The following FBN2 variants were observed in gnomAD, a reference collection of about 807,000 sequenced individuals.
The protein encoded by FBN2 is fibrillin 2, also known as fibrillin-2.
In FBN2, 105 loss-of-function variants were observed where a neutral mutation model predicts 355.6. That is an observed-to-expected ratio of 0.30 (90% CI 0.25 to 0.35). The LOEUF (loss-of-function observed/expected upper bound fraction) is 0.35. FBN2 is among the 10% of genes least tolerant of loss of function. FBN2 has a pLI of 1.00. For synonymous variants in FBN2, 1,350 were observed against 1,301.2 expected (o/e 1.04, Z -0.81); for missense variants, 3,280 against 3,758.7 (o/e 0.87, Z 3.33).
chr5:128,342,980 G>A (rs1236737771), intron 25 of FBN2, among the ~76,000 whole-genome samples: 2 of 151,932 alleles, frequency 1.3e-5, no homozygotes, highest in East Asian at 3.9e-4. Context: ...TGCCCGTCTC[G>A]GCCTCCCAAA....
intron 11 of FBN2, among the ~76,000 whole-genome samples, chr5:128,387,787 C>T (rs930748163): frequency 6.6e-6 from 1 of 152,146 alleles, no homozygotes; most frequent in South Asian, 2.1e-4. Context: ...AGAGTATGTG[C>T]TATGTTACAG....
At chr5:128,367,721 C>T (rs1319111370) in intron 16 of FBN2, among the ~76,000 whole-genome samples, 3 of 151,936 alleles carry the variant, frequency 2.0e-5, no homozygotes, top group Admixed American at 2.0e-4. Context: ...TTGTTATATC[C>T]TAATTCCTAT....
intron 7 of FBN2, among the ~76,000 whole-genome samples, chr5:128,434,448 C>T (rs972381512): frequency 7.9e-5 from 9 of 113,324 alleles, no homozygotes; most frequent in East Asian, 4.5e-4. Context: ...ACAGCACTGG[C>T]GAGAACTGCA....
At chr5:128,524,067 T>C (rs1000322728) in intron 4 of FBN2, among the ~76,000 whole-genome samples, 3 of 152,082 alleles carry the variant, frequency 2.0e-5, no homozygotes, top group Non-Finnish European at 4.4e-5. Context: ...TTCCTTGGCC[T>C]ACTACAAGGC....
At chr5:128,287,083 G>GAA (rs1334296231) in intron 54 of FBN2, among the ~76,000 whole-genome samples, 1 of 152,188 alleles carries the variant, frequency 6.6e-6, no homozygotes, top group East Asian at 1.9e-4. Flanking sequence ...GAATCCAAGA[G>GAA]TGTGAGAATA....
At chr5:128,440,695 T>C (rs546278040) in intron 7 of FBN2, among the ~76,000 whole-genome samples, 1 of 152,342 alleles carries the variant, frequency 6.6e-6, no homozygotes, top group East Asian at 1.9e-4. Flanking sequence ...TCCACTTTCT[T>C]ACACCTACTT....
intron 11 of FBN2, among the ~76,000 whole-genome samples, chr5:128,389,059 CT>C (rs1752442652): frequency 1.3e-5 from 2 of 152,106 alleles, no homozygotes; most frequent in South Asian, 4.1e-4. Context: ...TTATTTTCAT[CT>C]GACTGAGTTG....
rs758124873 is a variant in FBN2, at chr5:128,278,778, C to T, written c.7202G>A (p.Ser2401Asn). 3.1e-6 allele frequency: 5 copies of T among 1,613,994 alleles called. No individual in the cohort carries two copies. The highest frequency in any genetic ancestry group is 2.2e-5 in the East Asian group (1 of 44,884). The change falls in exon 57 of 65, where the codon AGT (serine) becomes AAT (asparagine). Residue 2401 changes from serine to asparagine, a missense_variant. Ser to Asn is a conservative substitution (Grantham distance 46, BLOSUM62 1). Coordinates refer to ENST00000262464, the MANE Select transcript of FBN2 (RefSeq NM_001999.4). ...TTCTGACTTAGTGACGAGATTGCGA[C>T]TACTGGATGCCATTTGACATATTGT... ...LQTICQMASSSRNLVTKSECC... is the reference protein window; with the variant it reads ...LQTICQMASSNRNLVTKSECC...
At chr5:128,392,606 GGTTTTCA>G (rs1752544288) in intron 10 of FBN2, among the ~76,000 whole-genome samples, 1 of 152,064 alleles carries the variant, frequency 6.6e-6, no homozygotes, top group African/African-American at 2.4e-5. Flanking sequence ...TGAAGCCCAC[GGTTTTCA>G]ATTTCTTAAG....
chr5:128,513,532 A>G (rs1317503273), intron 5 of FBN2, among the ~76,000 whole-genome samples: 1 of 152,262 alleles, frequency 6.6e-6, no homozygotes, highest in African/African-American at 2.4e-5. Context: ...AAGAGCTGGA[A>G]TAAATGAGAT....
In FBN2 at chr5:128,413,374, G is replaced by A. The variant is rs189612076; in HGVS notation, c.953-4575C>T. Among the ~76,000 whole-genome samples the A allele has an allele frequency of 1.3e-3, 193 of 152,222 alleles. 1 individual carries two copies. Among genetic ancestry groups the A allele is most frequent in the African/African-American group, 4.2e-3 (173 of 41,562 alleles). On this transcript the variant is annotated intron_variant, in intron 7 of 64. Transcript: ENST00000262464. ...GGAAGGATCATGGAGGAAGGAGGAAGAATGTGAAAAACGGAGGCTAAGGAA... is the reference window on the plus strand; with the variant it reads ...GGAAGGATCATGGAGGAAGGAGGAAAAATGTGAAAAACGGAGGCTAAGGAA...
intron 20 of FBN2, among the ~76,000 whole-genome samples, chr5:128,356,318 T>G (rs1751502847): frequency 6.6e-6 from 1 of 152,196 alleles, no homozygotes; most frequent in South Asian, 2.1e-4. Flanking sequence ...ACTTGGTCAT[T>G]TGTCTTTATG....
intron 11 of FBN2, among the ~76,000 whole-genome samples, chr5:128,386,395 A>G (rs1245927922): frequency 6.6e-6 from 1 of 152,002 alleles, no homozygotes; most frequent in Non-Finnish European, 1.5e-5. Context: ...CTGTTTTTGT[A>G]CCAGTACTGT....
chr5:128,328,324 A>C (rs1487945661), intron 34 of FBN2: 2 of 467,486 alleles, frequency 4.3e-6, no homozygotes, highest in East Asian at 3.9e-5. Flanking sequence ...GCTTTTTATG[A>C]TTTTGATAAA....
intron 23 of FBN2, among the ~76,000 whole-genome samples, chr5:128,347,722 A>C (rs1300995305): frequency 6.6e-6 from 1 of 152,220 alleles, no homozygotes; most frequent in African/African-American, 2.4e-5. Context: ...TGGTGACAAA[A>C]GCATTTAAGC....
intron 5 of FBN2, among the ~76,000 whole-genome samples, chr5:128,483,646 A>G (rs1317101737): frequency 3.3e-5 from 5 of 152,072 alleles, no homozygotes; most frequent in Non-Finnish European, 7.4e-5. Context: ...CCTTAATGAA[A>G]TATTCAGGAC....
chr5:128,285,439 T>C (rs1192910835), intron 55 of FBN2, among the ~76,000 whole-genome samples: 2 of 152,228 alleles, frequency 1.3e-5, no homozygotes, highest in East Asian at 1.9e-4. Context: ...AATGAAAAGC[T>C]TGAAGATCAG....
intron 4 of FBN2, among the ~76,000 whole-genome samples, chr5:128,521,649 G>A (rs1169371726): frequency 2.6e-5 from 4 of 152,154 alleles, no homozygotes; most frequent in Non-Finnish European, 5.9e-5. Flanking sequence ...ATGCTATTGA[G>A]CTGTAGGAAA....
chr5:128,491,563 C>T lies in FBN2; in HGVS notation c.629-26642G>A, dbSNP rs149281955. On this transcript the variant is annotated intron_variant, in intron 5 of 64. Coordinates refer to ENST00000262464, the MANE Select transcript of FBN2 (RefSeq NM_001999.4). ...ACTACCACAACCCACTGTAAGCTTACGGCTTTGACACAATGCTGCCACTTA... is the reference window on the plus strand; with the variant it reads ...ACTACCACAACCCACTGTAAGCTTATGGCTTTGACACAATGCTGCCACTTA... Among the ~76,000 whole-genome samples, 495 of 152,318 alleles carry T rather than the reference C, an allele frequency of 3.2e-3. 2 individuals are homozygous for T. Among genetic ancestry groups the T allele is most frequent in the Non-Finnish European group, 5.7e-3 (387 of 68,020 alleles).
Sources: allele counts gnomAD v4.1 joint callset (sites outside exome capture counted in the v4.1 genomes callset), GRCh38; gene constraint gnomAD v4.1.1; transcripts MANE v1.5; gene names NCBI Gene and HGNC (gene_info 2026-07-23, HGNC 2026-07-21).